FANCD2: variants seen among roughly 807,000 people sequenced by gnomAD.
FANCD2 encodes FA complementation group D2, also known as Fanconi anemia group D2 protein.
FANCD2 carries 131 observed loss-of-function variants against 192.3 expected under a neutral mutation model. That is an observed-to-expected ratio of 0.68 (90% confidence interval 0.59 to 0.79). The LOEUF (loss-of-function observed/expected upper bound fraction) is 0.79, where lower values mean the gene tolerates loss of function less well. Among genes scored for constraint, FANCD2 ranks in the 30% least tolerant of loss-of-function variants. The pLI, the probability that FANCD2 is intolerant of heterozygous loss-of-function variation, is 0.00. For missense variants in FANCD2, 1,508 were observed against 1,701.6 expected, an observed-to-expected ratio of 0.89 and a Z score of 2.00; for synonymous variants, 524 against 612.5, an observed-to-expected ratio of 0.86 and a Z score of 2.13.
chr3:10,062,257 T>C (rs1464580982), intron 20 of FANCD2, 46 bp downstream of exon 20: 3 of 1,554,906 alleles, frequency 1.9e-6, no homozygotes, highest in Admixed American at 1.7e-5. Context: ...CTTTTTTTTT[T>C]TTTTAGAGAG....
In FANCD2 at chr3:10,101,378, T is replaced by A. The variant is rs13068708; in HGVS notation, c.*116T>A. Reference sequence around the variant, plus strand: ...CTGGTAGGATCCTTTTTTGTTCCTCTTTTTTTTTTTTTTTTTTTTTTTTTA... The same window carrying A: ...CTGGTAGGATCCTTTTTTGTTCCTCATTTTTTTTTTTTTTTTTTTTTTTTA... On this transcript the variant is annotated 3_prime_UTR_variant, in exon 44 of 44. Transcript: ENST00000675286. The A allele has an allele frequency of 4.2e-5, 5 of 117,862 alleles. No individual in the cohort carries two copies. Among genetic ancestry groups the A allele is most frequent in the Non-Finnish European group, 6.3e-5 (4 of 63,582 alleles). 7.3% of individuals were successfully genotyped at this position (117,862 alleles called of 1,614,324 possible).
At chr3:10,068,784 G>A (rs573469906) in intron 26 of FANCD2, among the ~76,000 whole-genome samples, 26 of 152,122 alleles carry the variant, frequency 1.7e-4, no homozygotes, top group African/African-American at 6.0e-4. Context: ...CATGGTGCTG[G>A]CACAAAAACA....
intron 37 of FANCD2, among the ~76,000 whole-genome samples, chr3:10,091,207 A>G (rs1027871991): frequency 6.7e-6 from 1 of 150,130 alleles, no homozygotes; most frequent in Non-Finnish European, 1.5e-5. Flanking sequence ...CAGCCTCCCA[A>G]ATAGCTGGGA....
At chr3:10,082,324 C>A (rs762620814) in intron 32 of FANCD2, among the ~76,000 whole-genome samples, 4 of 152,192 alleles carry the variant, frequency 2.6e-5, no homozygotes, top group Non-Finnish European at 5.9e-5. Flanking sequence ...TGTTTCTCCA[C>A]TGCTTCCAGA....
chr3:10,047,933 G>T lies in FANCD2; in HGVS notation c.1295G>T (p.Cys432Phe). The change falls in exon 16 of 44, where the codon TGT becomes TTT. Residue 432 changes from cysteine (C) to phenylalanine (F), a missense_variant. Cys to Phe is a radical substitution (Grantham distance 205, BLOSUM62 -2). Transcript: ENST00000675286. ...CCACTCAAGGTTCTTAAGGATATGT[G>T]TTCATCCATTCTGTCGCTGGCTCAG... ...SVHYLVLKDMCSSILSLAQSL... is the reference protein window; with the variant it reads ...SVHYLVLKDMFSSILSLAQSL... 6.2e-7 allele frequency: 1 copy of T among 1,612,994 alleles called. No homozygotes were observed.
At chr3:10,039,983 G>A in intron 9 of FANCD2, 138 bp downstream of exon 9, 2 of 867,204 alleles carry the variant, frequency 2.3e-6, no homozygotes, top group Middle Eastern at 3.5e-4. Flanking sequence ...TAGGGTATGG[G>A]ATTTGACTTA....
intron 39 of FANCD2, among the ~76,000 whole-genome samples, chr3:10,093,774 G>A (rs1220143192): frequency 1.3e-5 from 2 of 152,178 alleles, no homozygotes; most frequent in African/African-American, 4.8e-5. Context: ...AGAATGTTAT[G>A]GGGAGAATGC....
At chr3:10,080,860 T>C (rs949216293) in intron 30 of FANCD2, among the ~76,000 whole-genome samples, 10 of 152,244 alleles carry the variant, frequency 6.6e-5, no homozygotes, top group Admixed American at 6.5e-4. Context: ...TGATTAGTTA[T>C]GATAGGGCTA....
Position 10,042,657 on chromosome 3 carries a change from A to G in FANCD2, c.882A>G (p.Thr294=). 1 of 1,612,586 alleles carries G rather than the reference A, an allele frequency of 6.2e-7. No individual in the cohort carries two copies. The highest frequency in any genetic ancestry group is 1.1e-5 in the South Asian group (1 of 91,060). The change falls in exon 11 of 44, where the codon ACA becomes ACG. Residue 294 remains threonine (T), a synonymous_variant. Coordinates refer to ENST00000675286, the MANE Select transcript of FANCD2 (RefSeq NM_001018115.3). The part of the protein sequence containing the change: ...FILHSVTAMD[T]LEVISELREK... The stretch of plus-strand genomic sequence containing the variant: ...TTCATTCCGTAACAGCCATGGATAC[A>G]CTTGAGGTATGCTCTTATATCCCAT...
At chr3:10,064,207 C>T in intron 21 of FANCD2, 149 bp from the exon 22 acceptor site, 2 of 808,012 alleles carry the variant, frequency 2.5e-6, no homozygotes, top group Non-Finnish European at 4.3e-6. Flanking sequence ...TGCACTCTCT[C>T]TTTTCTACTT....
intron 26 of FANCD2, among the ~76,000 whole-genome samples, chr3:10,069,698 G>T (rs1000804906): frequency 1.3e-5 from 2 of 152,102 alleles, no homozygotes; most frequent in South Asian, 2.1e-4. Context: ...TCCTAACCGC[G>T]AGTGATCCGC....
At chr3:10,028,563 A>C in intron 1 of FANCD2, 62 bp from the exon 2 acceptor site, 1 of 1,114,096 alleles carries the variant, frequency 9.0e-7, no homozygotes, top group South Asian at 1.3e-5. Context: ...TTTGAACAAT[A>C]GCTTTAACTT....
At chr3:10,057,397 ACT>A (rs1320165585) in intron 18 of FANCD2, among the ~76,000 whole-genome samples, 1 of 142,154 alleles carries the variant, frequency 7.0e-6, no homozygotes, top group Non-Finnish European at 1.5e-5. Context: ...ATGGAGTCTC[ACT>A]CTGTCACTAG....
At chr3:10,064,655 T>G (rs1215325169) in intron 22 of FANCD2, 74 bp from the exon 23 acceptor site, 27 of 1,520,088 alleles carry the variant, frequency 1.8e-5, no homozygotes, top group Non-Finnish European at 2.5e-5. Flanking sequence ...TTGAAATTGG[T>G]TTGCTCTAGT....
At chr3:10,081,265 T>C (rs1423646490) in intron 31 of FANCD2, 37 bp downstream of exon 31, 13 of 1,613,952 alleles carry the variant, frequency 8.1e-6, no homozygotes, top group Non-Finnish European at 9.3e-6. Context: ...TAAGCAAATA[T>C]GAGGTTTCAT....
intron 9 of FANCD2, 188 bp downstream of exon 9, chr3:10,040,033 C>CTTTTTTTT (rs570512566): frequency 8.7e-6 from 3 of 343,596 alleles, no homozygotes; most frequent in Admixed American, 4.6e-5. Flanking sequence ...CACATACTTT[C>CTTTTTTTT]TTTTTTTTTT....
chr3:10,069,291 T>C (rs1207199538), intron 26 of FANCD2, among the ~76,000 whole-genome samples: 4 of 145,862 alleles, frequency 2.7e-5, no homozygotes, highest in Admixed American at 1.3e-4. Flanking sequence ...TATATAAAGA[T>C]AGGAAAAAAA....
intron 30 of FANCD2, among the ~76,000 whole-genome samples, chr3:10,079,007 G>A (rs1011615677): frequency 1.1e-4 from 16 of 151,184 alleles, no homozygotes; most frequent in African/African-American, 2.4e-4. Flanking sequence ...TTGGAAGGCC[G>A]AGGCAGGTGG....
chr3:10,047,799 A>T, intron 15 of FANCD2, 118 bp from the exon 16 acceptor site: 2 of 1,218,058 alleles, frequency 1.6e-6, no homozygotes, highest in South Asian at 2.5e-5. Context: ...AGATTTCCTA[A>T]GTTAAAATGA....
Sources: gnomAD v4.1 joint callset for allele counts (sites outside exome capture counted in the v4.1 genomes callset) on GRCh38, gnomAD v4.1.1 for gene constraint, MANE v1.5 for transcripts, NCBI Gene and HGNC (gene_info 2026-07-23, HGNC 2026-07-21) for gene names.